SNCAIP: variants seen among roughly 807,000 people sequenced by gnomAD.
SNCAIP encodes the protein synphilin-1.
A neutral mutation model predicts 86.7 loss-of-function variants in SNCAIP; 43 were observed. The ratio of observed to expected loss-of-function variants is 0.50; its 90% confidence interval spans 0.39 to 0.64. SNCAIP has a LOEUF of 0.64. Among genes scored for constraint, SNCAIP ranks in the 30% least tolerant of loss-of-function variants. The probability of loss-of-function intolerance (pLI) is 0.00; values close to 1 mark genes in which losing one functional copy is unlikely to be tolerated. For missense variants in SNCAIP, 981 were observed against 1,103.1 expected (o/e 0.89, Z 1.57); for synonymous variants, 417 against 427.2 (o/e 0.98, Z 0.29).
intron 1 of SNCAIP, among the ~76,000 whole-genome samples, chr5:122,317,041 C>G (rs1180910740): frequency 6.6e-6 from 1 of 152,162 alleles, no homozygotes; most frequent in Admixed American, 6.5e-5. Flanking sequence ...GTGCCATTAT[C>G]TCGTGCAGTA....
intron 8 of SNCAIP, among the ~76,000 whole-genome samples, chr5:122,448,272 G>A (rs1782759835): frequency 6.6e-6 from 1 of 151,906 alleles, no homozygotes; most frequent in African/African-American, 2.4e-5. Flanking sequence ...TATTATAATA[G>A]TTTTCTATTG....
In SNCAIP at chr5:122,348,156, G is replaced by A. The variant is rs758924111; in HGVS notation, c.-47+35872G>A. Among the ~76,000 whole-genome samples the A allele has an allele frequency of 4.2e-4, 64 of 151,916 alleles. 1 individual carries two copies. Among genetic ancestry groups the A allele is most frequent in the Non-Finnish European group, 7.5e-4 (51 of 67,922 alleles). On this transcript the variant is annotated intron_variant, in intron 1 of 10. Coordinates refer to ENST00000261368, the MANE Select transcript of SNCAIP (RefSeq NM_005460.4). The stretch of plus-strand genomic sequence containing the variant: ...ACATATGCCTTTCATTCCAATTTTC[G>A]TAACAATTGGGATACAACTTGAAAA...
rs770121286 is a variant in SNCAIP at position 122,440,621 on chromosome 5, G to C, written c.1297-8G>C. 67 of 1,613,132 alleles carry C rather than the reference G, an allele frequency of 4.2e-5. No homozygotes were observed. Among genetic ancestry groups the C allele is most frequent in the Non-Finnish European group, 5.5e-5 (65 of 1,179,160 alleles). Reference sequence around the variant, plus strand: ...TTACATGAATTCCAACTGTCTTTGTGTTTATAGGAAAAGATTCTTCTGTGG... The same window carrying C: ...TTACATGAATTCCAACTGTCTTTGTCTTTATAGGAAAAGATTCTTCTGTGG... On this transcript the variant is annotated splice_polypyrimidine_tract_variant and splice_region_variant and intron_variant, in intron 6 of 10. Transcript: ENST00000261368.
intron 2 of SNCAIP, among the ~76,000 whole-genome samples, chr5:122,401,774 G>T (rs932546327): frequency 2.6e-5 from 4 of 152,168 alleles, no homozygotes; most frequent in African/African-American, 9.7e-5. Flanking sequence ...CTGTAACTCA[G>T]TTCCCACACC....
chr5:122,385,528 A>G (rs1767926573), intron 1 of SNCAIP, among the ~76,000 whole-genome samples: 1 of 152,206 alleles, frequency 6.6e-6, no homozygotes, highest in South Asian at 2.1e-4. Flanking sequence ...ACTGGGGACA[A>G]CATTTCTACC....
chr5:122,369,918 C>T (rs1230564350), intron 1 of SNCAIP: 37 of 152,302 alleles, frequency 2.4e-4, no homozygotes, highest in Admixed American at 2.4e-3. Context: ...TCCAAAAGAG[C>T]TTTTGAATGC....
chr5:122,397,668 A>T (rs1227400257), intron 2 of SNCAIP, among the ~76,000 whole-genome samples: 2 of 152,172 alleles, frequency 1.3e-5, no homozygotes, highest in Non-Finnish European at 2.9e-5. Context: ...GAGGTATGAA[A>T]GTGTGGATCA....
chr5:122,436,285 C>A (rs1354754098), intron 6 of SNCAIP, among the ~76,000 whole-genome samples: 2 of 151,820 alleles, frequency 1.3e-5, no homozygotes, highest in Non-Finnish European at 1.5e-5. Flanking sequence ...GATAATAGAA[C>A]CTTCCTCACA....
At chr5:122,332,841 AG>A (rs1025314219) in intron 1 of SNCAIP, among the ~76,000 whole-genome samples, 16 of 152,232 alleles carry the variant, frequency 1.1e-4, no homozygotes, top group African/African-American at 3.6e-4. Context: ...TGGGAGAAGC[AG>A]GGGGCAGAAA....
intron 3 of SNCAIP, among the ~76,000 whole-genome samples, chr5:122,418,028 C>A (rs1253514642): frequency 6.6e-6 from 1 of 152,162 alleles, no homozygotes; most frequent in African/African-American, 2.4e-5. Flanking sequence ...AAGGAGGTAA[C>A]CCCTGAGTGT....
At chr5:122,369,211 T>C (rs1763792822) in intron 1 of SNCAIP, among the ~76,000 whole-genome samples, 1 of 152,190 alleles carries the variant, frequency 6.6e-6, no homozygotes, top group Non-Finnish European at 1.5e-5. Context: ...CAAATGCCCT[T>C]CTCTCAGCCT....
intron 10 of SNCAIP, among the ~76,000 whole-genome samples, chr5:122,459,486 C>G (rs191474344): frequency 6.6e-6 from 1 of 152,246 alleles, no homozygotes; most frequent in East Asian, 1.9e-4. Context: ...GCCAGAATTA[C>G]CCAAACACTT....
In SNCAIP at chr5:122,451,673, T is replaced by C. The variant is rs894547275; in HGVS notation, c.2754+72T>C. 2.5e-6 allele frequency: 3 copies of C among 1,186,742 alleles called. No individual in the cohort carries two copies. The Admixed American group carries it at 5.6e-5, about 22-fold the overall frequency. 73.5% of individuals were successfully genotyped at this position (1,186,742 alleles called of 1,614,324 possible). On this transcript the variant is annotated intron_variant, in intron 10 of 10. Transcript: ENST00000261368. Reference sequence around the variant, plus strand: ...ATGTTGTTCCTAATATCACAGATTGTGGGCCCACACTACCTTGAGGGAATC... The same window carrying C: ...ATGTTGTTCCTAATATCACAGATTGCGGGCCCACACTACCTTGAGGGAATC...
At chr5:122,321,725 C>T (rs868756213) in intron 1 of SNCAIP, 2 of 152,164 alleles carry the variant, frequency 1.3e-5, no homozygotes, top group Non-Finnish European at 2.9e-5. Context: ...GTTCCCCCAT[C>T]GCAGGGGCTC....
chr5:122,393,080 A>G (rs562124885), intron 2 of SNCAIP, among the ~76,000 whole-genome samples: 3 of 152,342 alleles, frequency 2.0e-5, no homozygotes, highest in Non-Finnish European at 4.4e-5. Context: ...GGATTATGCA[A>G]TAGTTGAGTG....
At chr5:122,444,111 C>T (rs766477638) in intron 7 of SNCAIP, 8 of 457,392 alleles carry the variant, frequency 1.7e-5, no homozygotes, top group Admixed American at 4.7e-5. Flanking sequence ...ATCAGGTTGG[C>T]GCAGCAACAA....
chr5:122,368,353 G>A (rs976451392), intron 1 of SNCAIP, among the ~76,000 whole-genome samples: 4 of 152,116 alleles, frequency 2.6e-5, no homozygotes, highest in Non-Finnish European at 5.9e-5. Context: ...TGCCTCCCAA[G>A]CCCTTGTACT....
At chr5:122,392,951 G>T (rs1450826915) in intron 2 of SNCAIP, among the ~76,000 whole-genome samples, 1 of 152,098 alleles carries the variant, frequency 6.6e-6, no homozygotes, top group Non-Finnish European at 1.5e-5. Flanking sequence ...CAGAGCAGTT[G>T]TATTTACAGA....
intron 1 of SNCAIP, among the ~76,000 whole-genome samples, chr5:122,331,269 T>C (rs1363823517): frequency 1.3e-5 from 2 of 152,336 alleles, no homozygotes; most frequent in African/African-American, 2.4e-5. Context: ...AGTTAATTCC[T>C]GTGTGACGTG....
Sources: gnomAD v4.1 joint callset for allele counts (sites outside exome capture counted in the v4.1 genomes callset) on GRCh38, gnomAD v4.1.1 for gene constraint, MANE v1.5 for transcripts, NCBI Gene and HGNC (gene_info 2026-07-23, HGNC 2026-07-21) for gene names.